The following XKR4 variants were observed in gnomAD, a reference collection of about 807,000 sequenced individuals.
XKR4 encodes the protein XK-related protein 4.
XKR4 carries 12 observed loss-of-function variants against 53.9 expected under a neutral mutation model. The observed-to-expected ratio is 0.22, with a 90% confidence interval of 0.14 to 0.36. The LOEUF (loss-of-function observed/expected upper bound fraction) is 0.36. Among genes scored for constraint, XKR4 ranks in the 10% least tolerant of loss-of-function variants. The pLI, the probability that XKR4 is intolerant of heterozygous loss-of-function variation, is 1.00. For missense variants in XKR4, 799 were observed against 859.5 expected (o/e 0.93, Z 0.88); for synonymous variants, 354 against 362.4 (o/e 0.98, Z 0.26).
chr8:55,437,514 A>G (rs1805193640), intron 2 of XKR4, among the ~76,000 whole-genome samples: 3 of 152,212 alleles, frequency 2.0e-5, no homozygotes, highest in Admixed American at 1.3e-4. Flanking sequence ...AGCTACCTAC[A>G]TGGTCAGTGT....
At chr8:55,464,837 C>T (rs199992897) in intron 2 of XKR4, among the ~76,000 whole-genome samples, 1 of 152,056 alleles carries the variant, frequency 6.6e-6, no homozygotes, top group African/African-American at 2.4e-5. Flanking sequence ...TCTTATACAC[C>T]AAAAACAGAC....
chr8:55,102,548 C>A lies in XKR4; in HGVS notation c.60C>A (p.Thr20=), dbSNP rs773141519. The change falls in exon 1 of 3, where the codon ACC becomes ACA. Residue 20 remains threonine, a synonymous_variant. Transcript: ENST00000327381. This position sits in a 1 kb window ranked among gnomAD's most constrained non-coding sequence, Gnocchi z 5.1. ...KMKKSSDVAF[T]PLQNSDHSGS... The stretch of plus-strand genomic sequence containing the variant: ...AGAAAAGCAGCGACGTGGCGTTCAC[C>A]CCGCTGCAGAACTCGGACCACTCGG... The A allele has an allele frequency of 1.9e-6, 3 of 1,552,552 alleles. No homozygotes were observed. The highest frequency in any genetic ancestry group is 1.7e-6 in the Non-Finnish European group (2 of 1,146,530).
intron 1 of XKR4, among the ~76,000 whole-genome samples, chr8:55,273,096 T>C (rs756874423): frequency 2.0e-5 from 3 of 151,840 alleles, no homozygotes; most frequent in Non-Finnish European, 4.4e-5. Context: ...TCTAGTAAAA[T>C]AGGAATAGCA....
Position 55,463,275 on chromosome 8 carries a change from C to A in XKR4, c.1007-60006C>A, listed in dbSNP as rs192066808. On this transcript the variant is annotated intron_variant, in intron 2 of 2. Coordinates refer to ENST00000327381, the MANE Select transcript of XKR4 (RefSeq NM_052898.2). ...AAGAACACAAATTATAACCAACTGTCTCTCAGACCATAGTGCAATCAAACT... is the reference window on the plus strand; with the variant it reads ...AAGAACACAAATTATAACCAACTGTATCTCAGACCATAGTGCAATCAAACT... 7.9e-4 allele frequency among the ~76,000 whole-genome samples: 120 copies of A among 152,330 alleles called. 1 individual carries two copies. The highest frequency in any genetic ancestry group is 2.8e-3 in the African/African-American group (118 of 41,574).
chr8:55,105,686 T>G (rs117219954), intron 1 of XKR4, among the ~76,000 whole-genome samples: 1 of 152,180 alleles, frequency 6.6e-6, no homozygotes, highest in Admixed American at 6.5e-5. Flanking sequence ...ATTAAAATAT[T>G]TGGGGGATGC....
At position 55,122,915 on chromosome 8, in the gene XKR4, G is replaced by A. The variant is rs79261469; in HGVS notation, c.806+19621G>A. 5.2e-3 allele frequency among the ~76,000 whole-genome samples: 792 copies of A among 152,298 alleles called. 6 individuals are homozygous for A. Among genetic ancestry groups the A allele is most frequent in the African/African-American group, 0.018 (752 of 41,558 alleles). On this transcript the variant is annotated intron_variant, in intron 1 of 2. Coordinates refer to ENST00000327381, the MANE Select transcript of XKR4 (RefSeq NM_052898.2). The stretch of plus-strand genomic sequence containing the variant: ...TGAGAGGAAAGTGAACTGGAAGGAT[G>A]GGTGAAGACGGAATGGCAGGGTGTG...
At chr8:55,368,414 C>T (rs1006826383) in intron 2 of XKR4, among the ~76,000 whole-genome samples, 2 of 152,314 alleles carry the variant, frequency 1.3e-5, no homozygotes, top group Admixed American at 1.3e-4. Flanking sequence ...GTGAGTCCTG[C>T]AGCTCTGGCT....
chr8:55,415,697 C>A (rs533579235), intron 2 of XKR4, among the ~76,000 whole-genome samples: 1 of 152,144 alleles, frequency 6.6e-6, no homozygotes, highest in South Asian at 2.1e-4. Context: ...CAATTAAAAC[C>A]TCATTAGAAA....
intron 1 of XKR4, among the ~76,000 whole-genome samples, chr8:55,143,589 A>G (rs1284941126): frequency 6.6e-6 from 1 of 152,206 alleles, no homozygotes; most frequent in Non-Finnish European, 1.5e-5. Context: ...TCAGAGAAGG[A>G]AATGGCACAG....
intron 2 of XKR4, among the ~76,000 whole-genome samples, chr8:55,368,762 A>T (rs1030614083): frequency 2.6e-5 from 4 of 152,338 alleles, no homozygotes; most frequent in South Asian, 2.1e-4. Flanking sequence ...AAGTCCTCTG[A>T]CTGAAGAATG....
chr8:55,395,257 A>G (rs1804498766), intron 2 of XKR4, among the ~76,000 whole-genome samples: 1 of 152,084 alleles, frequency 6.6e-6, no homozygotes, highest in African/African-American at 2.4e-5. Flanking sequence ...AGAACCACTG[A>G]GGAAGATGGG....
At chr8:55,455,171 G>A (rs1474222605) in intron 2 of XKR4, 6 of 523,556 alleles carry the variant, frequency 1.1e-5, no homozygotes, top group Middle Eastern at 5.7e-4. Flanking sequence ...TCCGCGGCTC[G>A]GGGACTCGAG....
chr8:55,240,006 A>G lies in XKR4; in HGVS notation c.807-117672A>G, dbSNP rs565463069. ...CTTCTGTGAGTGTGTATATCTACCT[A>G]TATCTGTATCAGTGAACCTAGAGTA... On this transcript the variant is annotated intron_variant, in intron 1 of 2. Coordinates refer to ENST00000327381, the MANE Select transcript of XKR4 (RefSeq NM_052898.2). Among the ~76,000 whole-genome samples, 46 of 152,220 alleles carry G rather than the reference A, an allele frequency of 3.0e-4. 1 individual carries two copies. The highest frequency in any genetic ancestry group is 1.1e-3 in the African/African-American group (46 of 41,522).
intron 1 of XKR4, among the ~76,000 whole-genome samples, chr8:55,190,640 TA>T (rs1280176210): frequency 2.0e-5 from 3 of 152,070 alleles, no homozygotes; most frequent in Non-Finnish European, 4.4e-5. Flanking sequence ...TAGATAAAAA[TA>T]AGGGAATAAA....
At chr8:55,109,275 A>G (rs1022121374) in intron 1 of XKR4, among the ~76,000 whole-genome samples, 2 of 152,226 alleles carry the variant, frequency 1.3e-5, no homozygotes, top group African/African-American at 4.8e-5. Flanking sequence ...CCAGAAGATC[A>G]TCTTCCAGCT....
At chr8:55,125,504 G>T (rs1247287651) in intron 1 of XKR4, among the ~76,000 whole-genome samples, 1 of 152,200 alleles carries the variant, frequency 6.6e-6, no homozygotes, top group African/African-American at 2.4e-5. Flanking sequence ...AAAGTCCTGG[G>T]ATTACAGGCA....
chr8:55,382,626 A>G (rs959890789), intron 2 of XKR4, among the ~76,000 whole-genome samples: 1 of 152,180 alleles, frequency 6.6e-6, no homozygotes, highest in Non-Finnish European at 1.5e-5. Context: ...ATAACTGATA[A>G]GCATCTTAAG....
chr8:55,189,489 A>G (rs117860569), intron 1 of XKR4, among the ~76,000 whole-genome samples: 1 of 152,322 alleles, frequency 6.6e-6, no homozygotes, highest in East Asian at 1.9e-4. Flanking sequence ...AGGCTATGTG[A>G]TAGAACCTGT....
intron 1 of XKR4, among the ~76,000 whole-genome samples, chr8:55,213,739 A>G (rs1817760190): frequency 1.3e-5 from 2 of 152,116 alleles, no homozygotes; most frequent in African/African-American, 4.8e-5. Context: ...GTTAGAAGTA[A>G]GATGGACTCA....
Sources: gnomAD v4.1 joint callset for allele counts (sites outside exome capture counted in the v4.1 genomes callset) on GRCh38, gnomAD v4.1.1 for gene constraint, Gnocchi (gnomAD v3.1) non-coding constraint, MANE v1.5 for transcripts, NCBI Gene and HGNC (gene_info 2026-07-23, HGNC 2026-07-21) for gene names.